Variants in LMO7 observed in about 807,000 individuals in gnomAD.
LMO7 encodes LIM domain 7.
LMO7 carries 120 observed loss-of-function variants against 206.5 expected under a neutral mutation model. The ratio of observed to expected loss-of-function variants is 0.58; its 90% CI spans 0.50 to 0.68. The LOEUF is 0.68. Among genes scored for constraint, LMO7 ranks in the 30% least tolerant of loss-of-function variants. LMO7 has a pLI of 0.00. For missense variants in LMO7, 1,959 were observed against 1,957.9 expected, an observed-to-expected ratio of 1.00 and a Z score of -0.01; for synonymous variants, 706 against 681.5, an observed-to-expected ratio of 1.04 and a Z score of -0.56.
intron 1 of LMO7, among the ~76,000 whole-genome samples, chr13:75,704,156 C>T (rs1221379767): frequency 6.6e-6 from 1 of 152,138 alleles, no homozygotes; most frequent in Non-Finnish European, 1.5e-5. Context: ...TGTATACCAG[C>T]CTGGGGCTTC....
rs1428510610 is a variant in LMO7, at chr13:75,834,308, A to G, written c.3147A>G (p.Ser1049=). 1.2e-6 allele frequency: 2 copies of G among 1,611,852 alleles called. No homozygotes were observed. Among genetic ancestry groups the G allele is most frequent in the Non-Finnish European group, 1.7e-6 (2 of 1,178,868 alleles). Residue 1049 remains serine, a synonymous_variant, in exon 17 of 31, where the codon TCA becomes TCG. Coordinates refer to ENST00000377534, the MANE Select transcript of LMO7 (RefSeq NM_001306080.2). ...ACACCAAGTTTTCATATAACGATTCAAAAGAGTGGGAGGAAGCCATGGCTA... is the reference window on the plus strand; with the variant it reads ...ACACCAAGTTTTCATATAACGATTCGAAAGAGTGGGAGGAAGCCATGGCTA... ...INNTKFSYND[S]KEWEEAMAKA...
intron 3 of LMO7, among the ~76,000 whole-genome samples, chr13:75,734,912 A>G (rs1303384865): frequency 1.3e-5 from 2 of 152,166 alleles, no homozygotes; most frequent in Non-Finnish European, 2.9e-5. Context: ...ATCCTGGCTA[A>G]CACGGTGAAA....
intron 3 of LMO7, chr13:75,760,348 G>T (rs759295221): frequency 1.0e-6 from 1 of 1,000,632 alleles, no homozygotes; most frequent in African/African-American, 1.7e-5. Context: ...TTTAGCCAAT[G>T]AACACTAGGT....
intron 6 of LMO7, 48 bp downstream of exon 6, chr13:75,796,797 C>A: frequency 1.8e-6 from 2 of 1,107,164 alleles, no homozygotes; most frequent in Non-Finnish European, 2.8e-6. Context: ...TACAGTATCA[C>A]TGCTTTCCCT....
chr13:75,756,079 G>A (rs2047663541), intron 3 of LMO7, among the ~76,000 whole-genome samples: 1 of 152,198 alleles, frequency 6.6e-6, no homozygotes, highest in Non-Finnish European at 1.5e-5. Flanking sequence ...CTAAAAAGGA[G>A]TTGAGGATGT....
rs2059493389 is a variant in LMO7, at chr13:75,840,646, T to G, written c.3582+151T>G. On this transcript the variant is annotated intron_variant, in intron 22 of 30. Coordinates refer to ENST00000377534, the MANE Select transcript of LMO7 (RefSeq NM_001306080.2). ...ACACAGTACATTTTCCATAAAACAA[T>G]TACTTTTCCATTTTGAAGATTTCCA... 4.2e-6 allele frequency: 4 copies of G among 962,116 alleles called. No individual in the cohort carries two copies. In the East Asian group the frequency reaches 1.1e-4, roughly 25 times the overall value. 59.6% of individuals were successfully genotyped at this position (962,116 alleles called of 1,614,324 possible). A position where few individuals can be genotyped will look rare whatever the true frequency, so the allele number is the denominator to read the frequency against.
At chr13:75,699,558 G>A (rs538719729) in intron 1 of LMO7, among the ~76,000 whole-genome samples, 15 of 152,216 alleles carry the variant, frequency 9.9e-5, no homozygotes, top group African/African-American at 2.9e-4. Flanking sequence ...CATGTTGACA[G>A]GTTCTGTGAT....
chr13:75,748,578 G>A (rs925524414), intron 3 of LMO7, among the ~76,000 whole-genome samples: 7 of 152,136 alleles, frequency 4.6e-5, no homozygotes, highest in African/African-American at 1.7e-4. Flanking sequence ...AGGGTCAGTT[G>A]GGAATAACTG....
At position 75,842,921 on chromosome 13, in the gene LMO7, G is replaced by A. The variant is rs1248278744; in HGVS notation, c.4097+5G>A. The A allele has an allele frequency of 1.9e-6, 3 of 1,552,868 alleles. No homozygotes were observed. Among genetic ancestry groups the A allele is most frequent in the Non-Finnish European group, 2.7e-6 (3 of 1,125,402 alleles). ...AGGTTTTCTTCCTGGTGACAGGTAT[G>A]TAGAGCATGTTATTGTAATTTAATT... On this transcript the variant is annotated splice_donor_5th_base_variant and intron_variant, in intron 25 of 30. Transcript: ENST00000377534.
At chr13:75,724,649 A>G (rs1451600056) in intron 2 of LMO7, among the ~76,000 whole-genome samples, 1 of 152,168 alleles carries the variant, frequency 6.6e-6, no homozygotes, top group Admixed American at 6.6e-5. Context: ...TAAATTTCAC[A>G]GAAGTTTAGA....
At chr13:75,651,498 C>T (rs1383111051) in intron 1 of LMO7, among the ~76,000 whole-genome samples, 7 of 151,912 alleles carry the variant, frequency 4.6e-5, no homozygotes, top group Admixed American at 2.0e-4. Flanking sequence ...TTAGTAGAGA[C>T]GGGGTTTCAC....
At chr13:75,726,631 A>G (rs1327925974) in intron 2 of LMO7, among the ~76,000 whole-genome samples, 1 of 152,142 alleles carries the variant, frequency 6.6e-6, no homozygotes, top group Non-Finnish European at 1.5e-5. Context: ...TCAGTTTGAG[A>G]AAAACAATCA....
intron 3 of LMO7, among the ~76,000 whole-genome samples, chr13:75,758,842 C>G (rs2047906044): frequency 6.6e-6 from 1 of 152,122 alleles, no homozygotes; most frequent in Non-Finnish European, 1.5e-5. Flanking sequence ...CATTCAGAAC[C>G]AAATCAAATT....
chr13:75,739,974 C>G (rs151075466), intron 3 of LMO7, among the ~76,000 whole-genome samples: 6 of 152,184 alleles, frequency 3.9e-5, no homozygotes, highest in Non-Finnish European at 8.8e-5. Flanking sequence ...GCCCACTTCT[C>G]TTTTCTCTTC....
upstream of LMO7, among the ~76,000 whole-genome samples, chr13:75,634,963 G>A (rs1245961046): frequency 1.3e-5 from 2 of 151,310 alleles, no homozygotes; most frequent in Non-Finnish European, 1.5e-5. Context: ...CCGACACGGT[G>A]CTACTGCACT....
chr13:75,845,313 G>T lies in LMO7; in HGVS notation c.4098-14G>T. ...TAATGAGACATATTTAATATATTGT[G>T]TTCTGTGTTTTAGGAATAAATCCAG... On this transcript the variant is annotated splice_polypyrimidine_tract_variant and intron_variant, in intron 25 of 30. Coordinates refer to ENST00000377534, the MANE Select transcript of LMO7 (RefSeq NM_001306080.2). The T allele has an allele frequency of 7.1e-7, 1 of 1,399,722 alleles. No homozygotes were observed. Among genetic ancestry groups the T allele is most frequent in the Non-Finnish European group, 1.0e-6 (1 of 993,314 alleles). 86.7% of individuals were successfully genotyped at this position (1,399,722 alleles called of 1,614,324 possible). A position where few individuals can be genotyped will look rare whatever the true frequency, so the allele number is the denominator to read the frequency against.
intron 11 of LMO7, among the ~76,000 whole-genome samples, chr13:75,809,669 T>A (rs565541517): frequency 6.6e-6 from 1 of 152,126 alleles, no homozygotes; most frequent in African/African-American, 2.4e-5. Context: ...TTAGTAGGGA[T>A]GCATTAAACT....
At chr13:75,814,226 A>G (rs1175958828) in intron 11 of LMO7, among the ~76,000 whole-genome samples, 1 of 152,232 alleles carries the variant, frequency 6.6e-6, no homozygotes, top group African/African-American at 2.4e-5. Flanking sequence ...AGAATTAGAA[A>G]CATTTTAAGT....
chr13:75,813,790 G>A (rs573053539), intron 11 of LMO7, among the ~76,000 whole-genome samples: 2 of 152,338 alleles, frequency 1.3e-5, no homozygotes, highest in South Asian at 4.1e-4. Flanking sequence ...TAGGGCCAAA[G>A]GAGAGCACCC....
Sources: allele counts gnomAD v4.1 joint callset (sites outside exome capture counted in the v4.1 genomes callset), GRCh38; gene constraint gnomAD v4.1.1; transcripts MANE v1.5; gene names NCBI Gene and HGNC (gene_info 2026-07-23, HGNC 2026-07-21).